Variants in CD47 observed in about 807,000 individuals in gnomAD.
CD47 encodes the protein leukocyte surface antigen CD47.
In CD47, 11 loss-of-function variants were observed where a neutral mutation model predicts 44.6. That is an observed-to-expected ratio of 0.25 (90% confidence interval 0.16 to 0.41). The LOEUF is 0.41. CD47 is among the 10% of genes least tolerant of loss of function. The probability of loss-of-function intolerance (pLI) is 1.00; values close to 1 mark genes in which losing one functional copy is unlikely to be tolerated. For synonymous variants in CD47, 140 were observed against 136.3 expected (o/e 1.03, Z -0.19); for missense variants, 306 against 386.7 (o/e 0.79, Z 1.75).
intron 3 of CD47, among the ~76,000 whole-genome samples, chr3:108,062,846 G>A (rs1284446983): frequency 6.6e-6 from 1 of 150,464 alleles, no homozygotes; most frequent in East Asian, 1.9e-4. Context: ...AGTAGAGACG[G>A]GGTTTCACAT....
Position 108,090,961 on chromosome 3 carries a change from G to GCCGCCGCCGCCGTTACAGGCAGGACCGA in CD47, c.-81_-54dup. Reference sequence around the variant, plus strand: ...GCCGCCGCAGGTGTCCGGAGCAGCAGCCGCCGCCGCCGTTACAGGCAGGAC... The same window carrying GCCGCCGCCGCCGTTACAGGCAGGACCGA: ...GCCGCCGCAGGTGTCCGGAGCAGCAGCCGCCGCCGCCGTTACAGGCAGGACCGACCGCCGCCGCCGTTACAGGCAGGAC... On this transcript the variant is annotated 5_prime_UTR_variant, in exon 1 of 11. Coordinates refer to ENST00000361309, the MANE Select transcript of CD47 (RefSeq NM_001777.4). The GCCGCCGCCGCCGTTACAGGCAGGACCGA allele has an allele frequency of 7.9e-7, 1 of 1,262,054 alleles. No individual in the cohort carries two copies. Among genetic ancestry groups the GCCGCCGCCGCCGTTACAGGCAGGACCGA allele is most frequent in the Non-Finnish European group, 1.0e-6 (1 of 955,054 alleles). 78.2% of individuals were successfully genotyped at this position (1,262,054 alleles called of 1,614,324 possible).
chr3:108,074,404 C>A (rs552344034), intron 2 of CD47, among the ~76,000 whole-genome samples: 4 of 152,064 alleles, frequency 2.6e-5, no homozygotes, highest in Admixed American at 6.5e-5. Context: ...ACCTCCACCT[C>A]CCGGGTTCAA....
At chr3:108,080,725 T>C (rs1019374403) in intron 1 of CD47, among the ~76,000 whole-genome samples, 7 of 151,900 alleles carry the variant, frequency 4.6e-5, no homozygotes, top group African/African-American at 1.7e-4. Flanking sequence ...AGGTAAAATT[T>C]TGAACAGAAA....
chr3:108,071,778 T>G (rs557600614), intron 2 of CD47, among the ~76,000 whole-genome samples: 1 of 152,326 alleles, frequency 6.6e-6, no homozygotes, highest in South Asian at 2.1e-4. Flanking sequence ...GAAGTCTTCC[T>G]GTAAAGACAG....
rs2078666806 is a variant in CD47 at position 108,043,715 on chromosome 3, TAAC to T, written c.*3570_*3572del. The T allele has an allele frequency of 6.5e-6, 1 of 152,678 alleles. No individual in the cohort carries two copies. The highest frequency in any genetic ancestry group is 1.5e-5 in the Non-Finnish European group (1 of 68,044). 9.5% of individuals were successfully genotyped at this position (152,678 alleles called of 1,614,324 possible). ...TGTTTTCTTCTCTCACCAGTCATGATAACAACACTTTTAAGATTTAAGATGTTG... is the reference window on the plus strand; with the variant it reads ...TGTTTTCTTCTCTCACCAGTCATGATAACACTTTTAAGATTTAAGATGTTG... On this transcript the variant is annotated 3_prime_UTR_variant, in exon 11 of 11. Transcript: ENST00000361309.
At position 108,043,455 on chromosome 3, in the gene CD47, TTTAACGGTAACACAGCTGTAAAACAAC is replaced by T. The variant is rs1330599720; in HGVS notation, c.*3806_*3832del. 6 of 152,254 alleles carry T rather than the reference TTTAACGGTAACACAGCTGTAAAACAAC, an allele frequency of 3.9e-5. No individual in the cohort carries two copies. The highest frequency in any genetic ancestry group is 8.8e-5 in the Non-Finnish European group (6 of 67,970). 9.4% of individuals were successfully genotyped at this position (152,254 alleles called of 1,614,324 possible). A position where few individuals can be genotyped will look rare whatever the true frequency, so the allele number is the denominator to read the frequency against. On this transcript the variant is annotated 3_prime_UTR_variant, in exon 11 of 11. Coordinates refer to ENST00000361309, the MANE Select transcript of CD47 (RefSeq NM_001777.4). Reference sequence around the variant, plus strand: ...TTTAATACATATAAAAAAAAAAACCTTTAACGGTAACACAGCTGTAAAACAACTTTGGTCTTCAAATCACTGCAAAAA... The same window carrying T: ...TTTAATACATATAAAAAAAAAAACCTTTTGGTCTTCAAATCACTGCAAAAA...
intron 5 of CD47, among the ~76,000 whole-genome samples, chr3:108,059,140 A>G (rs1472469930): frequency 6.6e-6 from 1 of 152,234 alleles, no homozygotes; most frequent in Non-Finnish European, 1.5e-5. Context: ...GACTGCGTTT[A>G]ACATCCACTT....
At chr3:108,072,133 G>C (rs1365408925) in intron 2 of CD47, among the ~76,000 whole-genome samples, 1 of 152,140 alleles carries the variant, frequency 6.6e-6, no homozygotes, top group African/African-American at 2.4e-5. Flanking sequence ...CATAATTTTA[G>C]CTGTGAAGTT....
chr3:108,054,773 G>A (rs567409852), intron 7 of CD47: 49 of 152,154 alleles, frequency 3.2e-4, no homozygotes, highest in African/African-American at 4.8e-4. Flanking sequence ...TAAATTCTAC[G>A]TATATATTCT....
At chr3:108,061,513 T>C (rs2079015554) in intron 3 of CD47, among the ~76,000 whole-genome samples, 2 of 152,138 alleles carry the variant, frequency 1.3e-5, no homozygotes, top group African/African-American at 2.4e-5. Flanking sequence ...AAAGCTTAAA[T>C]TGTTCAATTA....
intron 1 of CD47, among the ~76,000 whole-genome samples, chr3:108,085,373 TTCC>T (rs2079499967): frequency 6.6e-6 from 1 of 152,148 alleles, no homozygotes; most frequent in African/African-American, 2.4e-5. Flanking sequence ...GCTCCTCAGT[TTCC>T]TCATCTATAA....
chr3:108,075,314 G>A (rs557462453), intron 2 of CD47, among the ~76,000 whole-genome samples: 2 of 152,250 alleles, frequency 1.3e-5, no homozygotes, highest in East Asian at 1.9e-4. Flanking sequence ...TCAAGCTGAA[G>A]TGTTATTAAA....
At chr3:108,086,487 T>C (rs17827915) in intron 1 of CD47, among the ~76,000 whole-genome samples, 78,889 of 152,016 alleles carry the variant, frequency 0.52, 20,661 homozygotes, top group Middle Eastern at 0.6. Context: ...GATGGTAGGC[T>C]AATTATAGAG....
At chr3:108,048,790 C>T (rs2078768373) in intron 10 of CD47, among the ~76,000 whole-genome samples, 1 of 152,248 alleles carries the variant, frequency 6.6e-6, no homozygotes, top group South Asian at 2.1e-4. Flanking sequence ...GGTAAGGTCA[C>T]AGACTTTAAA....
chr3:108,045,411 G>A lies in CD47; in HGVS notation c.*1877C>T, dbSNP rs1576979706. ...ATGTAAATATTTTCAGAAGGAAAAA[G>A]TGCTGCAGGAGCCATCAGATTTGTA... On this transcript the variant is annotated 3_prime_UTR_variant, in exon 11 of 11. Coordinates refer to ENST00000361309, the MANE Select transcript of CD47 (RefSeq NM_001777.4). 1 of 152,560 alleles carries A rather than the reference G, an allele frequency of 6.6e-6. No homozygotes were observed. The highest frequency in any genetic ancestry group is 1.5e-5 in the Non-Finnish European group (1 of 68,008). 9.5% of individuals were successfully genotyped at this position (152,560 alleles called of 1,614,324 possible). A position where few individuals can be genotyped will look rare whatever the true frequency, so the allele number is the denominator to read the frequency against.
intron 2 of CD47, among the ~76,000 whole-genome samples, chr3:108,078,294 A>G (rs1386231429): frequency 6.6e-6 from 1 of 152,042 alleles, no homozygotes; most frequent in African/African-American, 2.4e-5. Context: ...TTTATAGGGT[A>G]TTTTGCAAAC....
At chr3:108,051,818 C>T (rs780705366) in intron 8 of CD47, 121 bp downstream of exon 8, 4 of 787,848 alleles carry the variant, frequency 5.1e-6, no homozygotes, top group Non-Finnish European at 6.8e-6. Context: ...CATGCAATGA[C>T]TTCAACATTC....
At chr3:108,047,598 C>T (rs896169204) in intron 10 of CD47, among the ~76,000 whole-genome samples, 2 of 152,130 alleles carry the variant, frequency 1.3e-5, no homozygotes, top group African/African-American at 4.8e-5. Flanking sequence ...GAATAATATT[C>T]TATAATATTC....
chr3:108,091,022 C>T lies in CD47; in HGVS notation c.-114G>A. The T allele has an allele frequency of 1.6e-6, 1 of 639,016 alleles. No individual in the cohort carries two copies. The highest frequency in any genetic ancestry group is 2.2e-6 in the Non-Finnish European group (1 of 444,778). The allele number at this position is 639,016 out of a possible 1,614,324, so 39.6% of individuals were successfully genotyped here. The stretch of plus-strand genomic sequence containing the variant: ...CGCGCGTCACAGGCAGGACCCACTG[C>T]CCAGGCTGCACGGCCGCGCGCACGC... On this transcript the variant is annotated 5_prime_UTR_variant, in exon 1 of 11. Coordinates refer to ENST00000361309, the MANE Select transcript of CD47 (RefSeq NM_001777.4).
Sources: allele counts gnomAD v4.1 joint callset (sites outside exome capture counted in the v4.1 genomes callset), GRCh38; gene constraint gnomAD v4.1.1; transcripts MANE v1.5; gene names NCBI Gene and HGNC (gene_info 2026-07-23, HGNC 2026-07-21).